HYDIN: variants seen among roughly 807,000 people sequenced by gnomAD.
The protein encoded by HYDIN is axonemal central pair apparatus protein HYDIN.
A neutral mutation model predicts 403.9 loss-of-function variants in HYDIN; 132 were observed. The observed-to-expected ratio is 0.33, with a 90% CI of 0.28 to 0.38. The LOEUF (loss-of-function observed/expected upper bound fraction) is 0.38, where lower values mean the gene tolerates loss of function less well. Ranked by LOEUF, HYDIN falls within the 10% of genes least tolerant of loss-of-function variation. The pLI is 1.00. For synonymous variants in HYDIN, 1,202 were observed against 1,891.7 expected (o/e 0.64, Z 9.46); for missense variants, 2,827 against 5,009.5 (o/e 0.56, Z 13.15).
intron 8 of HYDIN, among the ~76,000 whole-genome samples, chr16:71,135,675 T>C (rs915698166): frequency 1.3e-5 from 2 of 152,238 alleles, no homozygotes; most frequent in African/African-American, 4.8e-5. Flanking sequence ...TGAGCACATG[T>C]GAGTCGGGGA....
Position 71,064,778 on chromosome 16 carries a change from T to A in HYDIN, c.2138A>T (p.Lys713Met). 1 of 1,613,968 alleles carries A rather than the reference T, an allele frequency of 6.2e-7. No homozygotes were observed. Among genetic ancestry groups the A allele is most frequent in the Non-Finnish European group, 8.5e-7 (1 of 1,179,978 alleles). Residue 713 changes from lysine to methionine, a missense_variant, in exon 16 of 86, where the codon AAG becomes ATG. By Grantham distance (95) the Lys-to-Met change is moderately conservative. Coordinates refer to ENST00000393567, the MANE Select transcript of HYDIN (RefSeq NM_001270974.2). Reference protein sequence around the residue: ...TEVDFGHCFLKYPYEKTLQLA... With the variant: ...TEVDFGHCFLMYPYEKTLQLA... ...CTGGAGTGTTTTCTCATACGGGTAC[T>A]TCAGGAAGCAGTGCCCAAAGTCCAC...
At chr16:71,220,011 G>A (rs948024181) in intron 1 of HYDIN, among the ~76,000 whole-genome samples, 2 of 152,146 alleles carry the variant, frequency 1.3e-5, no homozygotes, top group African/African-American at 4.8e-5. Context: ...TCCCAAACCA[G>A]TGCTCTTTAA....
chr16:70,833,860 T>C, intron 79 of HYDIN, 27 bp downstream of exon 79: 1 of 1,584,432 alleles, frequency 6.3e-7, no homozygotes, highest in Non-Finnish European at 8.6e-7. Flanking sequence ...TGGGGCAGCC[T>C]CAGGGTGGGA....
intron 1 of HYDIN, among the ~76,000 whole-genome samples, chr16:71,199,605 G>A (rs2087883510): frequency 6.6e-6 from 1 of 152,122 alleles, no homozygotes; most frequent in African/African-American, 2.4e-5. Context: ...CTAAAGCCTT[G>A]AAGCAAGCTT....
At chr16:71,045,539 G>C (rs1220828521) in intron 18 of HYDIN, among the ~76,000 whole-genome samples, 1 of 150,580 alleles carries the variant, frequency 6.6e-6, no homozygotes, top group Non-Finnish European at 1.5e-5. Context: ...TAGGTTACTA[G>C]CTTAGCATCC....
At chr16:71,180,022 T>A (rs768725253) in intron 3 of HYDIN, among the ~76,000 whole-genome samples, 5 of 152,054 alleles carry the variant, frequency 3.3e-5, no homozygotes, top group Non-Finnish European at 5.9e-5. Flanking sequence ...AAAATTGACA[T>A]GACAAAAACA....
chr16:71,214,940 TC>T lies in HYDIN; in HGVS notation c.-24+15621del, dbSNP rs1216220482. Among the ~76,000 whole-genome samples, 3 of 152,264 alleles carry T rather than the reference TC, an allele frequency of 2.0e-5. No individual in the cohort carries two copies. The East Asian group carries it at 5.8e-4, about 29-fold the overall frequency. On this transcript the variant is annotated intron_variant, in intron 1 of 85. Transcript: ENST00000393567. ...TCAGGCTCTGTCTCCTTGGCAGAGA[TC>T]CAGGATAAGATAATGGAGAGATCTG...
chr16:71,164,121 A>G (rs1316525835), intron 5 of HYDIN, among the ~76,000 whole-genome samples: 1 of 143,670 alleles, frequency 7.0e-6, no homozygotes, highest in Non-Finnish European at 1.5e-5. Context: ...TATCTAAAAA[A>G]AGCTTTGTTT....
intron 5 of HYDIN, among the ~76,000 whole-genome samples, chr16:71,170,746 T>C (rs917982647): frequency 1.3e-5 from 2 of 152,140 alleles, no homozygotes; most frequent in Non-Finnish European, 2.9e-5. Flanking sequence ...GGCACAATCA[T>C]GGTACTGTGG....
At chr16:71,062,373 A>G (rs1405999516) in intron 16 of HYDIN, 40 bp from the exon 17 acceptor site, 10 of 1,518,334 alleles carry the variant, frequency 6.6e-6, no homozygotes, top group Non-Finnish European at 7.2e-6. Flanking sequence ...ACAGCACAGC[A>G]TGGAACAAAT....
chr16:70,910,284 T>C (rs1242964296), intron 47 of HYDIN, among the ~76,000 whole-genome samples: 1 of 152,118 alleles, frequency 6.6e-6, no homozygotes. Flanking sequence ...ATCATTCTTA[T>C]GCCTTTGTGT....
Position 70,842,458 on chromosome 16 carries a change from C to T in HYDIN, c.12874-2225G>A, listed in dbSNP as rs567597302. 3.3e-3 allele frequency among the ~76,000 whole-genome samples: 508 copies of T among 151,954 alleles called. 3 individuals are homozygous for T. Among genetic ancestry groups the T allele is most frequent in the African/African-American group, 0.011 (437 of 41,468 alleles). The stretch of plus-strand genomic sequence containing the variant: ...TATCTTTATCTCTAGGAATAATTTT[C>T]AATCATTGAAAAATGTCTTTATCTA... On this transcript the variant is annotated intron_variant, in intron 75 of 85. Transcript: ENST00000393567.
intron 1 of HYDIN, among the ~76,000 whole-genome samples, chr16:71,189,792 A>G (rs1251275753): frequency 6.6e-6 from 1 of 151,808 alleles, no homozygotes; most frequent in Non-Finnish European, 1.5e-5. Context: ...ACAAACAACA[A>G]TATTTTGACT....
intron 52 of HYDIN, among the ~76,000 whole-genome samples, chr16:70,902,817 ATATATTTT>A (rs1235870361): frequency 1.3e-4 from 2 of 15,650 alleles, no homozygotes; most frequent in African/African-American, 5.6e-4. Flanking sequence ...ATATATATAT[ATATATTTT>A]TTTTTTTTTT....
intron 84 of HYDIN, among the ~76,000 whole-genome samples, chr16:70,816,105 A>G (rs1224281090): frequency 6.6e-6 from 1 of 152,222 alleles, no homozygotes; most frequent in East Asian, 1.9e-4. Flanking sequence ...CTCTGTCTCA[A>G]AAATAAACCT....
At chr16:70,830,668 T>G (rs2036916987) in intron 80 of HYDIN, among the ~76,000 whole-genome samples, 1 of 150,010 alleles carries the variant, frequency 6.7e-6, no homozygotes, top group Non-Finnish European at 1.5e-5. Context: ...ATATTCCAGT[T>G]GTACTTGGAA....
intron 18 of HYDIN, among the ~76,000 whole-genome samples, chr16:71,042,229 T>C (rs931285724): frequency 2.6e-5 from 4 of 152,122 alleles, no homozygotes; most frequent in Admixed American, 1.3e-4. Flanking sequence ...AAAAGTTATA[T>C]TGTAAAAAGC....
chr16:70,974,486 A>C (rs1774295), intron 32 of HYDIN, 48 bp downstream of exon 32: 293,747 of 1,234,986 alleles, frequency 0.24, 53,763 homozygotes, highest in African/African-American at 0.66. Context: ...GGGTTCCTTG[A>C]GAGAAATGAC....
chr16:70,813,970 T>C (rs2035671443), intron 84 of HYDIN, among the ~76,000 whole-genome samples: 1 of 152,136 alleles, frequency 6.6e-6, no homozygotes, highest in South Asian at 2.1e-4. Context: ...GACCCATGCA[T>C]AGATGAACTT....
Sources: gnomAD v4.1 joint callset for allele counts (sites outside exome capture counted in the v4.1 genomes callset) on GRCh38, gnomAD v4.1.1 for gene constraint, MANE v1.5 for transcripts, NCBI Gene and HGNC (gene_info 2026-07-23, HGNC 2026-07-21) for gene names.